CACNG1: variants seen among roughly 807,000 people sequenced by gnomAD.
CACNG1 encodes calcium voltage-gated channel auxiliary subunit gamma 1.
A neutral mutation model predicts 22.0 loss-of-function variants in CACNG1; 21 were observed. The ratio of observed to expected loss-of-function variants is 0.95; its 90% CI spans 0.68 to 1.37. The LOEUF (loss-of-function observed/expected upper bound fraction) is 1.37. Among genes scored for constraint, CACNG1 ranks in the 40% most tolerant of loss-of-function variants. The probability of loss-of-function intolerance (pLI) is 0.00; values close to 1 mark genes in which losing one functional copy is unlikely to be tolerated. For synonymous variants in CACNG1, 127 were observed against 129.2 expected (o/e 0.98, Z 0.12); for missense variants, 291 against 308.6 (o/e 0.94, Z 0.43).
rs1390766306 is a variant in CACNG1, at chr17:67,044,970, A to C, written c.229+81A>C. 8.5e-7 allele frequency: 1 copy of C among 1,169,650 alleles called. No individual in the cohort carries two copies. The highest frequency in any genetic ancestry group is 2.0e-5 in the Admixed American group (1 of 49,488). 72.5% of individuals were successfully genotyped at this position (1,169,650 alleles called of 1,614,324 possible). On this transcript the variant is annotated intron_variant, in intron 1 of 3. Coordinates refer to ENST00000226021, the MANE Select transcript of CACNG1 (RefSeq NM_000727.4). The surrounding 1 kb of genome is among the most constrained non-coding windows in gnomAD (Gnocchi z 6.9). ...CCTGGCAAAGTTGCCCTTGCGAAGGAAGGCAGGTTTCTCTGCCTAGAAATA... is the reference window on the plus strand; with the variant it reads ...CCTGGCAAAGTTGCCCTTGCGAAGGCAGGCAGGTTTCTCTGCCTAGAAATA...
At position 67,056,079 on chromosome 17, in the gene CACNG1, G is replaced by A; in HGVS notation, c.477G>A (p.Arg159=). 3 of 1,612,108 alleles carry A rather than the reference G, an allele frequency of 1.9e-6. No homozygotes were observed. The highest frequency in any genetic ancestry group is 2.5e-6 in the Non-Finnish European group (3 of 1,179,764). Residue 159 remains arginine, a synonymous_variant, in exon 4 of 4, where the codon CGG becomes CGA. Transcript: ENST00000226021. The surrounding 1 kb of genome is among the most constrained non-coding windows in gnomAD (Gnocchi z 4.3). The stretch of plus-strand genomic sequence containing the variant: ...TCCTCGTCTCGGTGGAGGTCATGCG[G>A]CAGTCGGTGAAGCGCATGATTGACA... The part of the protein sequence containing the change: ...LCILVSVEVM[R]QSVKRMIDSE...
chr17:67,047,043 C>G (rs1201744292), intron 1 of CACNG1, among the ~76,000 whole-genome samples: 1 of 152,172 alleles, frequency 6.6e-6, no homozygotes, highest in African/African-American at 2.4e-5. Context: ...CCTTCCCCAT[C>G]TGCCCTTCTT....
intron 1 of CACNG1, among the ~76,000 whole-genome samples, chr17:67,048,448 TCATGC>T (rs983745938): frequency 6.6e-6 from 1 of 152,052 alleles, no homozygotes; most frequent in Non-Finnish European, 1.5e-5. Context: ...TGAACTATGA[TCATGC>T]CACTGCACTC....
chr17:67,056,305 T>C lies in CACNG1; in HGVS notation c.*34T>C, dbSNP rs773893674. 1 of 1,598,366 alleles carries C rather than the reference T, an allele frequency of 6.3e-7. No individual in the cohort carries two copies. Among genetic ancestry groups the C allele is most frequent in the Non-Finnish European group, 8.6e-7 (1 of 1,167,254 alleles). On this transcript the variant is annotated 3_prime_UTR_variant, in exon 4 of 4. Coordinates refer to ENST00000226021, the MANE Select transcript of CACNG1 (RefSeq NM_000727.4). The surrounding 1 kb of genome is among the most constrained non-coding windows in gnomAD (Gnocchi z 4.3). The stretch of plus-strand genomic sequence containing the variant: ...CGGCCCTAGCGACCCTCAGGCTTCT[T>C]CCCCAGGAAGCGGGGTCTTGGCCTG...
intron 1 of CACNG1, among the ~76,000 whole-genome samples, chr17:67,046,171 T>C (rs1357312130): frequency 6.6e-6 from 1 of 152,182 alleles, no homozygotes; most frequent in Non-Finnish European, 1.5e-5. Context: ...CTCTGCTTCT[T>C]CCTCTATAAA....
At chr17:67,045,010 C>G (rs2035687948) in intron 1 of CACNG1, 121 bp downstream of exon 1, 1 of 745,192 alleles carries the variant, frequency 1.3e-6, no homozygotes, top group East Asian at 2.7e-5. Flanking sequence ...AGCCGCCCAG[C>G]CTTTTCTGCC....
intron 1 of CACNG1, among the ~76,000 whole-genome samples, chr17:67,049,234 A>G (rs2143411418): frequency 6.6e-6 from 1 of 152,322 alleles, no homozygotes; most frequent in African/African-American, 2.4e-5. Context: ...CCCCAAATCT[A>G]TGGAGGCCAG....
At chr17:67,045,581 G>T (rs1598137346) in intron 1 of CACNG1, among the ~76,000 whole-genome samples, 1 of 147,572 alleles carries the variant, frequency 6.8e-6, no homozygotes, top group East Asian at 2.0e-4. Context: ...GGAGTGCAGT[G>T]GCATGATCTT....
At chr17:67,048,818 G>A (rs2035712172) in intron 1 of CACNG1, among the ~76,000 whole-genome samples, 1 of 152,170 alleles carries the variant, frequency 6.6e-6, no homozygotes, top group African/African-American at 2.4e-5. Flanking sequence ...TGGCATATCT[G>A]AGCAGGCAAA....
chr17:67,051,267 G>A (rs1411693185), intron 1 of CACNG1, among the ~76,000 whole-genome samples: 1 of 152,140 alleles, frequency 6.6e-6, no homozygotes, highest in African/African-American at 2.4e-5. Context: ...AGTAGGGTCT[G>A]TCCATCTGAA....
At position 67,056,637 on chromosome 17, in the gene CACNG1, CTGGG is replaced by C. The variant is rs1318625144; in HGVS notation, c.*369_*372del. 4.2e-6 allele frequency: 1 copy of C among 238,074 alleles called. No individual in the cohort carries two copies. The highest frequency in any genetic ancestry group is 8.2e-6 in the Non-Finnish European group (1 of 121,730). 14.7% of individuals were successfully genotyped at this position (238,074 alleles called of 1,614,324 possible). On this transcript the variant is annotated 3_prime_UTR_variant, in exon 4 of 4. Coordinates refer to ENST00000226021, the MANE Select transcript of CACNG1 (RefSeq NM_000727.4). This position sits in a 1 kb window ranked among gnomAD's most constrained non-coding sequence, Gnocchi z 4.3. ...TGCAGGGACAACCTGTGTTTGCCAG[CTGGG>C]TGTTCCGTGTAAATAGCCAGCCTGT...
In CACNG1 at chr17:67,044,636, G is replaced by A; in HGVS notation, c.-25G>A. The A allele has an allele frequency of 6.5e-7, 1 of 1,542,932 alleles. No individual in the cohort carries two copies. Among genetic ancestry groups the A allele is most frequent in the Non-Finnish European group, 8.9e-7 (1 of 1,127,664 alleles). Reference sequence around the variant, plus strand: ...AGACGCAGCCGCCGGACCCTGCCCAGGGCACCCACGCCTCGGCGACCACCA... The same window carrying A: ...AGACGCAGCCGCCGGACCCTGCCCAAGGCACCCACGCCTCGGCGACCACCA... On this transcript the variant is annotated 5_prime_UTR_variant, in exon 1 of 4. Transcript: ENST00000226021. This position sits in a 1 kb window ranked among gnomAD's most constrained non-coding sequence, Gnocchi z 6.9.
At chr17:67,050,581 G>A (rs1295833787) in intron 1 of CACNG1, among the ~76,000 whole-genome samples, 2 of 152,232 alleles carry the variant, frequency 1.3e-5, no homozygotes, top group Non-Finnish European at 2.9e-5. Flanking sequence ...TCCATGGACA[G>A]TCACTTGGCA....
intron 1 of CACNG1, among the ~76,000 whole-genome samples, chr17:67,053,438 G>T (rs982953707): frequency 6.6e-6 from 1 of 152,206 alleles, no homozygotes; most frequent in East Asian, 1.9e-4. Flanking sequence ...GTTGATCCAG[G>T]GTTTCTCAAC....
At position 67,044,782 on chromosome 17, in the gene CACNG1, AC is replaced by A; in HGVS notation, c.124del (p.His42ThrfsTer121). 6.2e-7 allele frequency: 1 copy of A among 1,613,416 alleles called. No homozygotes were observed. The highest frequency in any genetic ancestry group is 8.5e-7 in the Non-Finnish European group (1 of 1,180,026). On this transcript the variant is annotated frameshift_variant, in exon 1 of 4. Transcript: ENST00000226021. LOFTEE classifies it high-confidence loss of function. The surrounding 1 kb of genome is among the most constrained non-coding windows in gnomAD (Gnocchi z 6.9). The stretch of plus-strand genomic sequence containing the variant: ...GCTGTGCTGAGCCCCCACATGGAGC[AC>A]CACAACACTACCTGCGAGGCGGCCC... ...HWAVLSPHME[H>X]HNTTCEAAHF...
At position 67,054,216 on chromosome 17, in the gene CACNG1, C is replaced by A; in HGVS notation, c.304+146C>A. 1.5e-6 allele frequency: 1 copy of A among 674,752 alleles called. No individual in the cohort carries two copies. The highest frequency in any genetic ancestry group is 2.6e-6 in the Non-Finnish European group (1 of 384,254). 41.8% of individuals were successfully genotyped at this position (674,752 alleles called of 1,614,324 possible). A position where few individuals can be genotyped will look rare whatever the true frequency, so the allele number is the denominator to read the frequency against. On this transcript the variant is annotated intron_variant, in intron 2 of 3. Coordinates refer to ENST00000226021, the MANE Select transcript of CACNG1 (RefSeq NM_000727.4). This position sits in a 1 kb window ranked among gnomAD's most constrained non-coding sequence, Gnocchi z 4.6. ...TGGTGCATTTGAACAACAGCCTTGT[C>A]AGCTCCCCGCTCCGGAGGCCCCAGG... is the stretch of plus-strand genomic sequence containing the variant.
In CACNG1 at chr17:67,055,949, A is replaced by T; in HGVS notation, c.443-96A>T. ...CTTGAGGCAGCTTTTCCCCCAAGGCAAGGTCACCGCCTCCTCCATGCACAC... is the reference window on the plus strand; with the variant it reads ...CTTGAGGCAGCTTTTCCCCCAAGGCTAGGTCACCGCCTCCTCCATGCACAC... On this transcript the variant is annotated intron_variant, in intron 3 of 3. Transcript: ENST00000226021. The surrounding 1 kb of genome is among the most constrained non-coding windows in gnomAD (Gnocchi z 4.5). The T allele has an allele frequency of 2.0e-6, 2 of 977,894 alleles. No individual in the cohort carries two copies. Among genetic ancestry groups the T allele is most frequent in the Non-Finnish European group, 3.1e-6 (2 of 643,574 alleles). 60.6% of individuals were successfully genotyped at this position (977,894 alleles called of 1,614,324 possible).
In CACNG1 at chr17:67,044,615, G is replaced by A. The variant is rs772736965; in HGVS notation, c.-46G>A. On this transcript the variant is annotated 5_prime_UTR_variant, in exon 1 of 4. Coordinates refer to ENST00000226021, the MANE Select transcript of CACNG1 (RefSeq NM_000727.4). This position sits in a 1 kb window ranked among gnomAD's most constrained non-coding sequence, Gnocchi z 6.9. Reference sequence around the variant, plus strand: ...CGGCTTGTCACCTGCCCTAGGAGACGCAGCCGCCGGACCCTGCCCAGGGCA... The same window carrying A: ...CGGCTTGTCACCTGCCCTAGGAGACACAGCCGCCGGACCCTGCCCAGGGCA... 1.6e-5 allele frequency: 21 copies of A among 1,345,494 alleles called. No individual in the cohort carries two copies. Among genetic ancestry groups the A allele is most frequent in the Admixed American group, 1.4e-4 (8 of 58,944 alleles). 83.3% of individuals were successfully genotyped at this position (1,345,494 alleles called of 1,614,324 possible). A position where few individuals can be genotyped will look rare whatever the true frequency, so the allele number is the denominator to read the frequency against.
Position 67,055,335 on chromosome 17 carries a change from A to T in CACNG1, c.442+95A>T. ...TCATGCCCACCGCGAGATTTGGGTGAGGGGCATTTCCCAGGCTCCATCCCC... is the reference window on the plus strand; with the variant it reads ...TCATGCCCACCGCGAGATTTGGGTGTGGGGCATTTCCCAGGCTCCATCCCC... On this transcript the variant is annotated intron_variant, in intron 3 of 3. Coordinates refer to ENST00000226021, the MANE Select transcript of CACNG1 (RefSeq NM_000727.4). This position sits in a 1 kb window ranked among gnomAD's most constrained non-coding sequence, Gnocchi z 4.5. 1.4e-6 allele frequency: 2 copies of T among 1,403,148 alleles called. No homozygotes were observed. The highest frequency in any genetic ancestry group is 9.7e-7 in the Non-Finnish European group (1 of 1,035,010). The allele number at this position is 1,403,148 out of a possible 1,614,324, so 86.9% of individuals were successfully genotyped here.
Sources: allele counts gnomAD v4.1 joint callset (sites outside exome capture counted in the v4.1 genomes callset), GRCh38; gene constraint gnomAD v4.1.1; non-coding constraint Gnocchi (gnomAD v3.1); transcripts MANE v1.5; gene names NCBI Gene and HGNC (gene_info 2026-07-23, HGNC 2026-07-21).